Variants in DYNC1I1 observed in about 807,000 individuals in gnomAD.
DYNC1I1 encodes cytoplasmic dynein 1 intermediate chain 1.
Under a neutral mutation model 86.6 loss-of-function variants are expected in DYNC1I1, and 43 were observed. That is an observed-to-expected ratio of 0.50 (90% CI 0.39 to 0.64). DYNC1I1 has a LOEUF of 0.64. Ranked by LOEUF, DYNC1I1 falls within the 30% of genes least tolerant of loss-of-function variation. DYNC1I1 has a pLI of 0.00. For synonymous variants in DYNC1I1, 262 were observed against 283.7 expected, an observed-to-expected ratio of 0.92 and a Z score of 0.77; for missense variants, 604 against 788.8, an observed-to-expected ratio of 0.77 and a Z score of 2.81.
At chr7:96,081,304 C>A (rs1437426872) in intron 16 of DYNC1I1, among the ~76,000 whole-genome samples, 1 of 150,842 alleles carries the variant, frequency 6.6e-6, no homozygotes, top group Non-Finnish European at 1.5e-5. Context: ...ACAAAGTATT[C>A]CTGAATGTCA....
chr7:95,994,273 CA>C (rs992194711), intron 9 of DYNC1I1, among the ~76,000 whole-genome samples: 15 of 152,090 alleles, frequency 9.9e-5, no homozygotes, highest in Admixed American at 9.8e-4. Flanking sequence ...CAGAGGTCAA[CA>C]AAAACCAGTC....
At chr7:96,081,267 T>C (rs1790512069) in intron 16 of DYNC1I1, among the ~76,000 whole-genome samples, 1 of 152,050 alleles carries the variant, frequency 6.6e-6, no homozygotes, top group African/African-American at 2.4e-5. Flanking sequence ...GATATATACC[T>C]TTCTAGTATG....
intron 10 of DYNC1I1, among the ~76,000 whole-genome samples, chr7:96,015,140 T>G (rs918079090): frequency 2.6e-5 from 4 of 152,196 alleles, no homozygotes; most frequent in Non-Finnish European, 5.9e-5. Flanking sequence ...CATTTTTTTC[T>G]TTTTTAGGGA....
chr7:95,927,429 A>G (rs1791774588), intron 6 of DYNC1I1, among the ~76,000 whole-genome samples: 1 of 152,168 alleles, frequency 6.6e-6, no homozygotes, highest in Admixed American at 6.5e-5. Flanking sequence ...GGGTGATAGT[A>G]GAGGTGGCAT....
At chr7:95,931,137 A>C in intron 6 of DYNC1I1, among the ~76,000 whole-genome samples, 1 of 152,186 alleles carries the variant, frequency 6.6e-6, no homozygotes, top group East Asian at 1.9e-4. Context: ...GTATAGAAGT[A>C]ACTCATGAAT....
At chr7:96,020,142 C>A (rs1794508328) in intron 10 of DYNC1I1, among the ~76,000 whole-genome samples, 2 of 147,886 alleles carry the variant, frequency 1.4e-5, no homozygotes, top group Non-Finnish European at 3.0e-5. Context: ...TGGTGGGGGA[C>A]ATGGAGAAAT....
chr7:95,958,740 A>G (rs995697698), intron 6 of DYNC1I1, among the ~76,000 whole-genome samples: 1 of 152,242 alleles, frequency 6.6e-6, no homozygotes, highest in Non-Finnish European at 1.5e-5. Context: ...GAATCTGAAG[A>G]TAAATCATAT....
chr7:95,842,222 C>G (rs1387535187), intron 5 of DYNC1I1, among the ~76,000 whole-genome samples: 1 of 152,128 alleles, frequency 6.6e-6, no homozygotes, highest in African/African-American at 2.4e-5. Context: ...AATTAAGAGT[C>G]CTTTATTAGC....
chr7:95,950,350 G>T (rs573344289), intron 6 of DYNC1I1, among the ~76,000 whole-genome samples: 1 of 152,270 alleles, frequency 6.6e-6, no homozygotes, highest in Admixed American at 6.5e-5. Context: ...GATTTGGTGT[G>T]TGGTTTTTGT....
At chr7:95,886,346 A>T (rs756356542) in intron 6 of DYNC1I1, among the ~76,000 whole-genome samples, 3 of 152,126 alleles carry the variant, frequency 2.0e-5, no homozygotes, top group Non-Finnish European at 4.4e-5. Context: ...GGGCAGGAGG[A>T]TTGCTTGAAC....
intron 14 of DYNC1I1, among the ~76,000 whole-genome samples, chr7:96,049,829 C>T (rs893458588): frequency 2.8e-4 from 42 of 151,960 alleles, no homozygotes; most frequent in Admixed American, 2.2e-3. Flanking sequence ...CTCAGGAGTC[C>T]GAGACCAGCC....
At chr7:96,073,605 G>T (rs187099586) in intron 14 of DYNC1I1, among the ~76,000 whole-genome samples, 10 of 152,168 alleles carry the variant, frequency 6.6e-5, no homozygotes, top group Non-Finnish European at 1.5e-5. Context: ...GAGTCTATCT[G>T]TATGAAGACC....
At chr7:96,049,750 G>T (rs1011472696) in intron 14 of DYNC1I1, among the ~76,000 whole-genome samples, 1 of 152,118 alleles carries the variant, frequency 6.6e-6, no homozygotes, top group African/African-American at 2.4e-5. Context: ...ACAGTATAGT[G>T]GTGGGGCACA....
intron 3 of DYNC1I1, 171 bp from the exon 4 acceptor site, chr7:95,813,076 T>C (rs1794864841): frequency 1.4e-6 from 2 of 1,411,048 alleles, no homozygotes; most frequent in South Asian, 1.3e-5. Flanking sequence ...TTCACTGGAC[T>C]TTTTTCCTTT....
intron 16 of DYNC1I1, among the ~76,000 whole-genome samples, chr7:96,080,854 G>A (rs763861713): frequency 2.6e-5 from 4 of 152,024 alleles, no homozygotes; most frequent in African/African-American, 4.8e-5. Context: ...GGTGGATCAC[G>A]AGGTCAGGAG....
chr7:96,085,822 T>A (rs1319992320), intron 16 of DYNC1I1, among the ~76,000 whole-genome samples: 1 of 152,230 alleles, frequency 6.6e-6, no homozygotes, highest in African/African-American at 2.4e-5. Flanking sequence ...GGCTTGCAAT[T>A]TGTTTGTTTT....
chr7:96,032,730 A>T lies in DYNC1I1; in HGVS notation c.1180A>T (p.Thr394Ser). The T allele has an allele frequency of 6.2e-7, 1 of 1,613,728 alleles. No individual in the cohort carries two copies. Residue 394 changes from threonine to serine, a missense_variant, in exon 12 of 17, where the codon ACT becomes TCT. Physicochemically the swap from Thr to Ser is moderately conservative, Grantham distance 58. Coordinates refer to ENST00000447467, the MANE Select transcript of DYNC1I1 (RefSeq NM_001135556.2). ...TGCTCATAACCTCATCACTGTCTCC[A>T]CTGATGGCAAAATGTGTTCCTGGAG... ...QNAHNLITVS[T>S]DGKMCSWSLD...
At chr7:95,868,449 T>G (rs1451227441) in intron 5 of DYNC1I1, among the ~76,000 whole-genome samples, 2 of 152,194 alleles carry the variant, frequency 1.3e-5, no homozygotes, top group African/African-American at 4.8e-5. Flanking sequence ...GAAATAAGGC[T>G]GTGCCATCCG....
chr7:95,836,615 T>C (rs1393761794), intron 5 of DYNC1I1, among the ~76,000 whole-genome samples: 1 of 152,146 alleles, frequency 6.6e-6, no homozygotes, highest in African/African-American at 2.4e-5. Context: ...CAGTCAGACG[T>C]AGATTTGGTC....
Sources: allele counts gnomAD v4.1 joint callset (sites outside exome capture counted in the v4.1 genomes callset), GRCh38; gene constraint gnomAD v4.1.1; transcripts MANE v1.5; gene names NCBI Gene and HGNC (gene_info 2026-07-23, HGNC 2026-07-21).